SPSB1: variants seen among roughly 807,000 people sequenced by gnomAD.
SPSB1 encodes splA/ryanodine receptor domain and SOCS box containing 1.
SPSB1 carries 8 observed loss-of-function variants against 21.2 expected under a neutral mutation model. That is an observed-to-expected ratio of 0.38 (90% CI 0.22 to 0.68). The LOEUF is 0.68. SPSB1 is among the 30% of genes least tolerant of loss of function. SPSB1 has a pLI of 0.53. For synonymous variants in SPSB1, 169 were observed against 161.7 expected, an observed-to-expected ratio of 1.05 and a Z score of -0.34; for missense variants, 242 against 377.8, an observed-to-expected ratio of 0.64 and a Z score of 2.98.
chr1:9,338,066 T>C (rs181675324), intron 1 of SPSB1, among the ~76,000 whole-genome samples: 159 of 152,186 alleles, frequency 1.0e-3, no homozygotes, highest in African/African-American at 3.0e-3. Flanking sequence ...CAGGTTTGAA[T>C]TGGTTCCTGG....
At chr1:9,347,575 C>T (rs1398277921) in intron 1 of SPSB1, among the ~76,000 whole-genome samples, 7 of 152,218 alleles carry the variant, frequency 4.6e-5, no homozygotes, top group South Asian at 2.1e-4. Flanking sequence ...CTTTCAGAAA[C>T]GGCATCATGA....
intron 1 of SPSB1, among the ~76,000 whole-genome samples, chr1:9,320,573 CA>C (rs1557451364): frequency 6.6e-6 from 1 of 152,248 alleles, no homozygotes; most frequent in African/African-American, 2.4e-5. Context: ...CCTTGATACA[CA>C]GAGGAAGCAC....
chr1:9,354,997 C>G (rs1407779513), intron 1 of SPSB1, among the ~76,000 whole-genome samples: 1 of 152,144 alleles, frequency 6.6e-6, no homozygotes, highest in East Asian at 1.9e-4. Flanking sequence ...GAGGGCGAAA[C>G]CCTGGCTTCT....
chr1:9,352,689 AC>A (rs1640282566), intron 1 of SPSB1, among the ~76,000 whole-genome samples: 1 of 119,798 alleles, frequency 8.3e-6, no homozygotes, highest in African/African-American at 3.2e-5. Flanking sequence ...TCCCTGTCTC[AC>A]CCCACTTCAC....
Position 9,363,703 on chromosome 1 carries a change from A to T in SPSB1, c.695-3745A>T, listed in dbSNP as rs575593392. 6.1e-5 allele frequency among the ~76,000 whole-genome samples: 9 copies of T among 146,394 alleles called. No individual in the cohort carries two copies. In the East Asian group the frequency reaches 1.4e-3, roughly 23 times the overall value. The stretch of plus-strand genomic sequence containing the variant: ...ATGTGGGCCTCTGCAGTTTTAGAAA[A>T]TTTTTTTTTTTTTGGAGATGGAGTC... On this transcript the variant is annotated intron_variant, in intron 2 of 2. Transcript: ENST00000328089. This position sits in a 1 kb window ranked among gnomAD's most constrained non-coding sequence, Gnocchi z 4.5.
chr1:9,339,805 C>A (rs933885507), intron 1 of SPSB1, among the ~76,000 whole-genome samples: 1 of 152,160 alleles, frequency 6.6e-6, no homozygotes, highest in African/African-American at 2.4e-5. Flanking sequence ...CCCTGCCCCC[C>A]ATTCTTGTGG....
chr1:9,318,707 C>T (rs952637773), intron 1 of SPSB1, among the ~76,000 whole-genome samples: 1 of 152,174 alleles, frequency 6.6e-6, no homozygotes, highest in African/African-American at 2.4e-5. Flanking sequence ...GGTTGTTCTT[C>T]TGTCCATTCA....
intron 1 of SPSB1, among the ~76,000 whole-genome samples, chr1:9,352,024 C>T (rs746292750): frequency 6.6e-6 from 1 of 152,244 alleles, no homozygotes; most frequent in Non-Finnish European, 1.5e-5. Context: ...CAGGCCCTCC[C>T]TCCCACAGAC....
At chr1:9,308,554 G>A (rs1426815178) in intron 1 of SPSB1, among the ~76,000 whole-genome samples, 1 of 152,192 alleles carries the variant, frequency 6.6e-6, no homozygotes, top group East Asian at 1.9e-4. Flanking sequence ...ATTTAGTTTA[G>A]GGTGTCTCAG....
intron 1 of SPSB1, among the ~76,000 whole-genome samples, chr1:9,326,163 C>T (rs929228193): frequency 6.6e-6 from 1 of 151,972 alleles, no homozygotes; most frequent in Non-Finnish European, 1.5e-5. Context: ...TTTAGTCTTC[C>T]CTGCCTTTCA....
At chr1:9,327,650 G>T (rs1639838196) in intron 1 of SPSB1, among the ~76,000 whole-genome samples, 1 of 152,134 alleles carries the variant, frequency 6.6e-6, no homozygotes, top group African/African-American at 2.4e-5. Context: ...GGGGGAGTGT[G>T]GGGGAGAAAT....
At chr1:9,319,685 G>A (rs74051620) in intron 1 of SPSB1, among the ~76,000 whole-genome samples, 18,556 of 152,188 alleles carry the variant, frequency 0.12, 3,433 homozygotes, top group African/African-American at 0.4. Flanking sequence ...AAGCCTGCTC[G>A]TCTGGCCCGG....
At position 9,356,405 on chromosome 1, in the gene SPSB1, A is replaced by G. The variant is rs1264648580; in HGVS notation, c.514A>G (p.Ile172Val). 1 of 1,614,098 alleles carries G rather than the reference A, an allele frequency of 6.2e-7. No homozygotes were observed. Among genetic ancestry groups the G allele is most frequent in the Non-Finnish European group, 8.5e-7 (1 of 1,180,020 alleles). Residue 172 changes from isoleucine to valine, a missense_variant, in exon 2 of 3, where the codon ATT (isoleucine) becomes GTT (valine). Physicochemically the swap from Ile to Val is conservative, Grantham distance 29 (BLOSUM62 3). Coordinates refer to ENST00000328089, the MANE Select transcript of SPSB1 (RefSeq NM_025106.4). The surrounding 1 kb of genome is among the most constrained non-coding windows in gnomAD (Gnocchi z 7.4). ...PAFLEPDETF[I>V]VPDSFLVALD... ...CTTTCTGGAACCAGATGAGACATTC[A>G]TTGTCCCTGACTCCTTCCTGGTAGC...
At chr1:9,307,260 T>C (rs1285589657) in intron 1 of SPSB1, among the ~76,000 whole-genome samples, 1 of 152,216 alleles carries the variant, frequency 6.6e-6, no homozygotes, top group African/African-American at 2.4e-5. Flanking sequence ...ATTCACATAA[T>C]GTAAAATGAG....
intron 1 of SPSB1, among the ~76,000 whole-genome samples, chr1:9,327,713 C>CT (rs1306204553): frequency 2.6e-5 from 4 of 152,316 alleles, no homozygotes; most frequent in African/African-American, 9.6e-5. Flanking sequence ...GGTCAGCAAA[C>CT]TTTAAGAGCC....
chr1:9,357,232 G>A (rs1640385822), intron 2 of SPSB1, among the ~76,000 whole-genome samples: 1 of 151,556 alleles, frequency 6.6e-6, no homozygotes, highest in Non-Finnish European at 1.5e-5. Context: ...TGGATGGATG[G>A]ATGGATGGAT....
rs1569662520 is a variant in SPSB1 at position 9,361,162 on chromosome 1, T to TTTTTTTTTTTTTTTTC, written c.694+4592_694+4593insCTTTTTTTTTTTTTTT. 9.5e-5 allele frequency among the ~76,000 whole-genome samples: 12 copies of TTTTTTTTTTTTTTTTC among 126,944 alleles called. 1 individual carries two copies. Among genetic ancestry groups the TTTTTTTTTTTTTTTTC allele is most frequent in the East Asian group, 4.4e-4 (2 of 4,570 alleles). 83.3% of individuals were successfully genotyped at this position (126,944 alleles called of 152,430 possible). A position where few individuals can be genotyped will look rare whatever the true frequency, so the allele number is the denominator to read the frequency against. On this transcript the variant is annotated intron_variant, in intron 2 of 2. Coordinates refer to ENST00000328089, the MANE Select transcript of SPSB1 (RefSeq NM_025106.4). ...TGGCTGGATCTGTCATTTTCTTTTT[T>TTTTTTTTTTTTTTTTC]TTTTTTTTTTTTTTTTTTTTTAGAG...
rs1639631079 is a variant in SPSB1 at position 9,317,230 on chromosome 1, G to A, written c.-150+24159G>A. Among the ~76,000 whole-genome samples, 1 of 152,188 alleles carries A rather than the reference G, an allele frequency of 6.6e-6. No individual in the cohort carries two copies. The highest frequency in any genetic ancestry group is 6.5e-5 in the Admixed American group (1 of 15,278). The stretch of plus-strand genomic sequence containing the variant: ...AAGGCTTCCTGGAGGAGGTGATGCT[G>A]AAACTGGGCCTTGGGATGTGTAAGC... On this transcript the variant is annotated intron_variant, in intron 1 of 2. Coordinates refer to ENST00000328089, the MANE Select transcript of SPSB1 (RefSeq NM_025106.4). The surrounding 1 kb of genome is among the most constrained non-coding windows in gnomAD (Gnocchi z 4.3).
In SPSB1 at chr1:9,317,530, C is replaced by A. The variant is rs1639635169; in HGVS notation, c.-150+24459C>A. On this transcript the variant is annotated intron_variant, in intron 1 of 2. Transcript: ENST00000328089. This position sits in a 1 kb window ranked among gnomAD's most constrained non-coding sequence, Gnocchi z 4.3. ...ACAGAGTCTTGCTTTGTCACCCAGG[C>A]TGGGGACAAAGCTCACTGCGGCTTC... Among the ~76,000 whole-genome samples the A allele has an allele frequency of 1.3e-5, 2 of 152,156 alleles. No homozygotes were observed. Among genetic ancestry groups the A allele is most frequent in the Admixed American group, 6.5e-5 (1 of 15,282 alleles).
Sources: gnomAD v4.1 joint callset for allele counts (sites outside exome capture counted in the v4.1 genomes callset) on GRCh38, gnomAD v4.1.1 for gene constraint, Gnocchi (gnomAD v3.1) non-coding constraint, MANE v1.5 for transcripts, NCBI Gene and HGNC (gene_info 2026-07-23, HGNC 2026-07-21) for gene names.